The following CTPS1 variants were observed in gnomAD, a reference collection of about 807,000 sequenced individuals.
The protein encoded by CTPS1 is CTP synthetase 1.
In CTPS1, 25 loss-of-function variants were observed where a neutral mutation model predicts 80.5. The observed-to-expected ratio is 0.31, with a 90% CI of 0.23 to 0.43. The LOEUF is 0.43. CTPS1 is among the 20% of genes least tolerant of loss of function. The pLI is 1.00. For missense variants in CTPS1, 442 were observed against 725.7 expected (o/e 0.61, Z 4.49); for synonymous variants, 267 against 252.5 (o/e 1.06, Z -0.54).
In CTPS1 at chr1:40,987,541, G is replaced by A. The variant is rs185629540; in HGVS notation, c.438+69G>A. On this transcript the variant is annotated intron_variant, in intron 4 of 18. Transcript: ENST00000650070. The stretch of plus-strand genomic sequence containing the variant: ...TTAGTCAGCCATCAATAACTGATAA[G>A]ACAGTTCCCAGTGGAGCCCTTGGCC... The A allele has an allele frequency of 1.7e-5, 20 of 1,159,088 alleles. No individual in the cohort carries two copies. In the East Asian group the frequency reaches 4.9e-4, roughly 28 times the overall value. 71.8% of individuals were successfully genotyped at this position (1,159,088 alleles called of 1,614,324 possible).
intron 1 of CTPS1, chr1:40,981,791 T>A: frequency 4.1e-6 from 1 of 243,842 alleles, no homozygotes; most frequent in Non-Finnish European, 8.2e-6. Flanking sequence ...CAGCAGAGGA[T>A]GCAAAGAGCC....
Position 40,987,473 on chromosome 1 carries a change from G to C in CTPS1, c.438+1G>C. On this transcript the variant is annotated splice_donor_variant, in intron 4 of 18. Transcript: ENST00000650070. LOFTEE classifies it high-confidence loss of function. The stretch of plus-strand genomic sequence containing the variant: ...GGAACCTCAAGTGTGTGTTATTGAG[G>C]TTTGTATGATTCCTGCACATGTGAA... 2 of 1,600,318 alleles carry C rather than the reference G, an allele frequency of 1.2e-6. No homozygotes were observed. The highest frequency in any genetic ancestry group is 1.7e-6 in the Non-Finnish European group (2 of 1,167,844).
At chr1:40,999,544 C>T (rs1456251993) in intron 9 of CTPS1, among the ~76,000 whole-genome samples, 1 of 152,078 alleles carries the variant, frequency 6.6e-6, no homozygotes, top group East Asian at 1.9e-4. Context: ...TGACACAAAC[C>T]CCCTAGAGCG....
At chr1:41,000,892 G>T in intron 9 of CTPS1, 137 bp from the exon 10 acceptor site, 3 of 481,828 alleles carry the variant, frequency 6.2e-6, no homozygotes, top group South Asian at 3.6e-5. Flanking sequence ...TCACTTTAAA[G>T]CCAGTATTAA....
chr1:40,987,311 A>AT, intron 3 of CTPS1, 61 bp from the exon 4 acceptor site: 1 of 1,219,060 alleles, frequency 8.2e-7, no homozygotes, highest in South Asian at 1.2e-5. Flanking sequence ...CAGTAAGTGC[A>AT]TTTGTCTCAA....
Position 40,991,918 on chromosome 1 carries a change from G to A in CTPS1, c.720+73G>A, listed in dbSNP as rs867705252. The A allele has an allele frequency of 4.5e-5, 52 of 1,152,242 alleles. No homozygotes were observed. The Middle Eastern group carries it at 3.5e-3, about 77-fold the overall frequency. 71.4% of individuals were successfully genotyped at this position (1,152,242 alleles called of 1,614,324 possible). On this transcript the variant is annotated intron_variant, in intron 7 of 18. Transcript: ENST00000650070. ...GTCCTAAAGCCTCTTGATCAGTTTC[G>A]TGAGGCTTGTTATTTTCTAATTAGA...
rs1476067397 is a variant in CTPS1, at chr1:41,008,840, T to G, written c.1496T>G (p.Phe499Cys). 1.9e-6 allele frequency: 3 copies of G among 1,614,032 alleles called. No individual in the cohort carries two copies. Among genetic ancestry groups the G allele is most frequent in the Non-Finnish European group, 2.5e-6 (3 of 1,180,030 alleles). The stretch of plus-strand genomic sequence containing the variant: ...TGTTTGGAAGAACAAGGCTTGAAGT[T>G]TGTTGGCCAAGATGTTGAAGGAGAG... ...KKCLEEQGLK[F>C]VGQDVEGERM... Residue 499 changes from phenylalanine (F) to cysteine (C), a missense_variant, in exon 16 of 19, where the codon TTT becomes TGT. Phe to Cys is a radical substitution (Grantham distance 205). Around this residue, in one of 4 missense-constraint regions of CTPS1, gnomAD observed 321 missense variants for 467.2 expected, o/e 0.69. Coordinates refer to ENST00000650070, the MANE Select transcript of CTPS1 (RefSeq NM_001905.4).
intron 3 of CTPS1, among the ~76,000 whole-genome samples, chr1:40,986,858 T>C (rs1230206595): frequency 1.3e-5 from 2 of 151,928 alleles, no homozygotes; most frequent in Non-Finnish European, 2.9e-5. Context: ...AGCTAACGAG[T>C]CATGAGACTA....
chr1:40,982,963 C>G (rs1642357394), intron 1 of CTPS1, among the ~76,000 whole-genome samples: 1 of 152,186 alleles, frequency 6.6e-6, no homozygotes, highest in South Asian at 2.1e-4. Flanking sequence ...GTGTAGTGTT[C>G]TATCAGCCAG....
chr1:41,010,665 T>G (rs1643150140), intron 18 of CTPS1, among the ~76,000 whole-genome samples: 1 of 152,240 alleles, frequency 6.6e-6, no homozygotes, highest in East Asian at 1.9e-4. Context: ...TACAACAATG[T>G]GGCACTTGTC....
At chr1:40,997,025 C>T (rs1642769787) in intron 8 of CTPS1, 1 of 159,122 alleles carries the variant, frequency 6.3e-6, no homozygotes, top group Non-Finnish European at 1.4e-5. Flanking sequence ...TTTTTCTTTA[C>T]AAAGCCTGCC....
At chr1:40,987,831 C>T (rs77277566) in intron 4 of CTPS1, among the ~76,000 whole-genome samples, 8,798 of 152,276 alleles carry the variant, frequency 0.058, 313 homozygotes, top group South Asian at 0.13. Context: ...AGTATCTGTA[C>T]TCCTGCTGTG....
At chr1:40,982,992 A>G (rs1337756564) in intron 1 of CTPS1, among the ~76,000 whole-genome samples, 1 of 152,244 alleles carries the variant, frequency 6.6e-6, no homozygotes, top group East Asian at 1.9e-4. Flanking sequence ...TGGTTTTATT[A>G]GGTTGACTCT....
chr1:40,986,651 T>G lies in CTPS1; in HGVS notation c.338-721T>G, dbSNP rs887063520. On this transcript the variant is annotated intron_variant, in intron 3 of 18. Coordinates refer to ENST00000650070, the MANE Select transcript of CTPS1 (RefSeq NM_001905.4). ...GTAACCTGGAGTTAAACAGTAATCTTCACCTTTTAGGAACTTGCCATCTGT... is the reference window on the plus strand; with the variant it reads ...GTAACCTGGAGTTAAACAGTAATCTGCACCTTTTAGGAACTTGCCATCTGT... Among the ~76,000 whole-genome samples, 10 of 152,230 alleles carry G rather than the reference T, an allele frequency of 6.6e-5. No homozygotes were observed. The South Asian group carries it at 8.3e-4, about 13-fold the overall frequency.
At chr1:40,985,535 A>T (rs896049733) in intron 3 of CTPS1, among the ~76,000 whole-genome samples, 9 of 152,066 alleles carry the variant, frequency 5.9e-5, no homozygotes, top group Non-Finnish European at 7.4e-5. Context: ...TTTTGTACAA[A>T]CATTCATTTA....
At chr1:41,004,508 G>A (rs1407647493) in intron 12 of CTPS1, among the ~76,000 whole-genome samples, 1 of 152,154 alleles carries the variant, frequency 6.6e-6, no homozygotes, top group East Asian at 1.9e-4. Flanking sequence ...TCTCACTTAG[G>A]TTCCCAAATG....
intron 1 of CTPS1, among the ~76,000 whole-genome samples, chr1:40,981,655 T>TC: frequency 6.6e-6 from 1 of 152,320 alleles, no homozygotes; most frequent in East Asian, 1.9e-4. Flanking sequence ...TGCTAAACAC[T>TC]CCCAGGATTC....
At chr1:40,991,365 A>T in intron 6 of CTPS1, 117 bp downstream of exon 6, 1 of 752,354 alleles carries the variant, frequency 1.3e-6, no homozygotes, top group South Asian at 2.0e-5. Flanking sequence ...GATGATGGAG[A>T]AAATAGGATT....
At position 40,987,382 on chromosome 1, in the gene CTPS1, T is replaced by C; in HGVS notation, c.348T>C (p.His116=). ...YLGKTVQVVP[H]ITDAIQEWVM... ...TTTTCTTTTTCCCAGTTGTCCCTCA[T>C]ATCACAGATGCAATCCAGGAGTGGG... The change falls in exon 4 of 19, where the codon CAT becomes CAC. Residue 116 remains histidine (H), a synonymous_variant. Transcript: ENST00000650070. 1 of 1,613,442 alleles carries C rather than the reference T, an allele frequency of 6.2e-7. No individual in the cohort carries two copies. The highest frequency in any genetic ancestry group is 8.5e-7 in the Non-Finnish European group (1 of 1,179,356).
Sources: gnomAD v4.1 joint callset for allele counts (sites outside exome capture counted in the v4.1 genomes callset) on GRCh38, gnomAD v4.1.1 for gene constraint, gnomAD v4.1.1 regional missense constraint, MANE v1.5 for transcripts, NCBI Gene and HGNC (gene_info 2026-07-23, HGNC 2026-07-21) for gene names.